FOXP3: variants seen among roughly 807,000 people sequenced by gnomAD.
The protein encoded by FOXP3 is forkhead box protein P3.
In FOXP3, 5 loss-of-function variants were observed where a neutral mutation model predicts 31.2. The ratio of observed to expected loss-of-function variants is 0.16; its 90% confidence interval spans 0.08 to 0.34. FOXP3 has a LOEUF of 0.34. Among genes scored for constraint, FOXP3 ranks in the 10% least tolerant of loss-of-function variants. The pLI, the probability that FOXP3 is intolerant of heterozygous loss-of-function variation, is 1.00. For synonymous variants in FOXP3, 141 were observed against 148.8 expected, an observed-to-expected ratio of 0.95 and a Z score of 0.38; for missense variants, 251 against 363.0, an observed-to-expected ratio of 0.69 and a Z score of 2.51.
chrX:49,257,645 G>A lies in FOXP3; in HGVS notation c.315+19C>T. On this transcript the variant is annotated intron_variant, in intron 3 of 11. Transcript: ENST00000376207. Reference sequence around the variant, plus strand: ...TTCTCCCACCTGCTCCCTCCTCCCTGCCCATTCACCGTCCATACCTGGTGC... The same window carrying A: ...TTCTCCCACCTGCTCCCTCCTCCCTACCCATTCACCGTCCATACCTGGTGC... The A allele has an allele frequency of 1.7e-6, 2 of 1,178,868 alleles. No individual in the cohort carries two copies. The highest frequency in any genetic ancestry group is 2.3e-6 in the Non-Finnish European group (2 of 877,966).
chrX:49,255,829 G>A (rs1557116227), intron 6 of FOXP3, 27 bp from the exon 7 acceptor site: 2 of 1,161,320 alleles, frequency 1.7e-6, no homozygotes, highest in Non-Finnish European at 2.3e-6. Context: ...TTCCATGCAG[G>A]TGACCACGAC....
intron 6 of FOXP3, 56 bp from the exon 7 acceptor site, chrX:49,255,858 T>TGCTCTGAATGGGGAGGGCCCAGAC: frequency 9.6e-7 from 1 of 1,044,378 alleles, no homozygotes; most frequent in Admixed American, 2.5e-5. Flanking sequence ...TCTGGCTCAA[T>TGCTCTGAATGGGGAGGGCCCAGAC]GCTCTGAATG....
At chrX:49,255,256 G>A (rs1404421217) in intron 8 of FOXP3, among the ~76,000 whole-genome samples, 173 bp downstream of exon 8, 2 of 112,551 alleles carry the variant, frequency 1.8e-5, no homozygotes, top group African/African-American at 3.2e-5. Flanking sequence ...CGGGGTCAGA[G>A]GGTTTGTAAG....
chrX:49,258,765 C>T (rs1274440582), intron 1 of FOXP3, among the ~76,000 whole-genome samples: 1 of 111,652 alleles, frequency 9.0e-6, no homozygotes, highest in Non-Finnish European at 1.9e-5. Context: ...AGGTCCAGCA[C>T]CTGGCTTGCC....
intron 4 of FOXP3, 112 bp from the exon 5 acceptor site, chrX:49,257,124 TC>T: frequency 1.5e-6 from 1 of 681,248 alleles, no homozygotes; most frequent in Non-Finnish European, 2.2e-6. Context: ...AAACCCTGAC[TC>T]CCAGGGGGCT....
chrX:49,251,523 C>G, intron 11 of FOXP3, 40 bp from the exon 12 acceptor site: 1 of 1,211,511 alleles, frequency 8.3e-7, no homozygotes, highest in Non-Finnish European at 1.1e-6. Context: ...GGGCGTCAAC[C>G]TCTGAGGCCA....
At chrX:49,251,857 G>A (rs968640529) in intron 10 of FOXP3, 92 bp from the exon 11 acceptor site, 78 of 1,155,615 alleles carry the variant, frequency 6.7e-5, no homozygotes, top group Non-Finnish European at 8.6e-5. Flanking sequence ...ACATGGGGGC[G>A]GAATTGTAGG....
chrX:49,259,086 G>C, intron 1 of FOXP3: 3 of 503,246 alleles, frequency 6.0e-6, no homozygotes, highest in Non-Finnish European at 1.1e-5. Flanking sequence ...TGGAGAAGGC[G>C]AGAAGTGGGT....
In FOXP3 at chrX:49,254,078, G is replaced by T. The variant is rs781814163; in HGVS notation, c.817-11C>A. 8.3e-7 allele frequency: 1 copy of T among 1,204,603 alleles called. No individual in the cohort carries two copies. The highest frequency in any genetic ancestry group is 1.1e-6 in the Non-Finnish European group (1 of 893,024). ...CTTGTCGGATGATGCCTGGGTGAGG[G>T]GGAGAGGCTGGTGACCCAGAGGCTT... On this transcript the variant is annotated splice_polypyrimidine_tract_variant and intron_variant, in intron 8 of 11. Coordinates refer to ENST00000376207, the MANE Select transcript of FOXP3 (RefSeq NM_014009.4).
At chrX:49,254,471 G>A (rs782124729) in intron 8 of FOXP3, among the ~76,000 whole-genome samples, 3 of 111,675 alleles carry the variant, frequency 2.7e-5, no homozygotes, top group African/African-American at 6.5e-5. Context: ...AAGCAAGGAC[G>A]CCCTCTTCTA....
intron 1 of FOXP3, among the ~76,000 whole-genome samples, chrX:49,262,123 A>G (rs1208823293): frequency 2.7e-5 from 3 of 112,503 alleles, no homozygotes; most frequent in Non-Finnish European, 5.6e-5. Flanking sequence ...AAATGGACAC[A>G]TGCATGGAGA....
In FOXP3 at chrX:49,255,331, A is replaced by G; in HGVS notation, c.816+98T>C. 3.5e-6 allele frequency: 3 copies of G among 863,842 alleles called. No homozygotes were observed. In the South Asian group the frequency reaches 6.4e-5, roughly 19 times the overall value. The allele number at this position is 863,842 out of a possible 1,213,427, so 71.2% of individuals were successfully genotyped here. On this transcript the variant is annotated intron_variant, in intron 8 of 11. Transcript: ENST00000376207. ...CTGGGGACAGGGGCCCCTAGCTCTCAGGACCTGAATGTGAGGTTAGGTTCC... is the reference window on the plus strand; with the variant it reads ...CTGGGGACAGGGGCCCCTAGCTCTCGGGACCTGAATGTGAGGTTAGGTTCC...
chrX:49,252,460 ATCAG>A (rs1425362070), intron 10 of FOXP3, among the ~76,000 whole-genome samples: 5 of 110,385 alleles, frequency 4.5e-5, no homozygotes, highest in Admixed American at 1.9e-4. Flanking sequence ...CAGTGAGGCT[ATCAG>A]TCAGGATGGG....
intron 2 of FOXP3, 78 bp downstream of exon 2, chrX:49,258,218 C>A: frequency 1.2e-6 from 1 of 846,667 alleles, no homozygotes. Flanking sequence ...CCCTCCCGCC[C>A]AGTGCCACAG....
At chrX:49,258,593 G>C in intron 1 of FOXP3, 66 bp from the exon 2 acceptor site, 1 of 905,547 alleles carries the variant, frequency 1.1e-6, no homozygotes, top group African/African-American at 2.0e-5. Flanking sequence ...TCGACCACCT[G>C]AGCCACGTGG....
intron 9 of FOXP3, 57 bp from the exon 10 acceptor site, chrX:49,253,259 G>T: frequency 9.9e-7 from 1 of 1,007,066 alleles, no homozygotes; most frequent in Non-Finnish European, 1.4e-6. Context: ...CTAGCTCCCT[G>T]TCCCCTCCCC....
Position 49,250,761 on chromosome X carries a change from C to T in FOXP3, c.*573G>A, listed in dbSNP as rs56159317. 4.9e-5 allele frequency: 12 copies of T among 246,457 alleles called. No individual in the cohort carries two copies. In the East Asian group the frequency reaches 1.4e-3, roughly 28 times the overall value. 20.3% of individuals were successfully genotyped at this position (246,457 alleles called of 1,213,427 possible). ...GATCCTGAGGGTACTGACGCTGCTT[C>T]TGTGTAGGCCTCTGGGCACACCCCT... On this transcript the variant is annotated 3_prime_UTR_variant, in exon 12 of 12. Coordinates refer to ENST00000376207, the MANE Select transcript of FOXP3 (RefSeq NM_014009.4).
intron 1 of FOXP3, among the ~76,000 whole-genome samples, chrX:49,263,173 C>CAAAAAAAAAAAA (rs72024386): frequency 1.7e-5 from 1 of 58,964 alleles, no homozygotes. Context: ...ACCAGACAAC[C>CAAAAAAAAAAAA]AAAAAAAAAA....
At chrX:49,251,522 CCT>C (rs2066031093) in intron 11 of FOXP3, 39 bp from the exon 12 acceptor site, 1 of 1,209,622 alleles carries the variant, frequency 8.3e-7, no homozygotes, top group Non-Finnish European at 1.1e-6. Context: ...TGGGCGTCAA[CCT>C]CTGAGGCCAG....
Sources: allele counts gnomAD v4.1 joint callset (sites outside exome capture counted in the v4.1 genomes callset), GRCh38; gene constraint gnomAD v4.1.1; transcripts MANE v1.5; gene names NCBI Gene and HGNC (gene_info 2026-07-23, HGNC 2026-07-21).